Variants in EVI5 observed in about 807,000 individuals in gnomAD.
EVI5 encodes the protein ecotropic viral integration site 5.
A neutral mutation model predicts 112.0 loss-of-function variants in EVI5; 73 were observed. The observed-to-expected ratio is 0.65, with a 90% CI of 0.54 to 0.79. The LOEUF is 0.79. Ranked by LOEUF, EVI5 falls within the 30% of genes least tolerant of loss-of-function variation. EVI5 has a pLI of 0.00. For synonymous variants in EVI5, 305 were observed against 319.9 expected, an observed-to-expected ratio of 0.95 and a Z score of 0.50; for missense variants, 900 against 968.8, an observed-to-expected ratio of 0.93 and a Z score of 0.94.
At chr1:92,723,471 C>T (rs529829626) in intron 2 of EVI5, among the ~76,000 whole-genome samples, 1 of 152,240 alleles carries the variant, frequency 6.6e-6, no homozygotes, top group Admixed American at 6.5e-5. Context: ...GTCTTTACTG[C>T]AATCTCTGAA....
chr1:92,548,138 C>T (rs1202282623), intron 19 of EVI5, among the ~76,000 whole-genome samples: 3 of 152,152 alleles, frequency 2.0e-5, no homozygotes, highest in Admixed American at 6.5e-5. Flanking sequence ...ACATCACAAA[C>T]CTTATCCACC....
At chr1:92,555,399 A>C (rs889069839) in intron 19 of EVI5, among the ~76,000 whole-genome samples, 1 of 152,204 alleles carries the variant, frequency 6.6e-6, no homozygotes, top group Non-Finnish European at 1.5e-5. Flanking sequence ...CACTGTTTTT[A>C]ATTCTTATTT....
chr1:92,745,320 G>A (rs987725412), intron 1 of EVI5, among the ~76,000 whole-genome samples: 7 of 151,964 alleles, frequency 4.6e-5, no homozygotes, highest in Non-Finnish European at 1.5e-5. Context: ...GTGTTTGTGT[G>A]CTCTGTGTCA....
At chr1:92,686,903 C>T (rs764309704) in intron 9 of EVI5, among the ~76,000 whole-genome samples, 35 of 152,004 alleles carry the variant, frequency 2.3e-4, no homozygotes, top group Non-Finnish European at 4.3e-4. Flanking sequence ...CACAAACAAA[C>T]GGAAGAACAT....
chr1:92,591,044 T>C (rs1673772499), intron 18 of EVI5, among the ~76,000 whole-genome samples: 1 of 152,148 alleles, frequency 6.6e-6, no homozygotes, highest in Admixed American at 6.5e-5. Flanking sequence ...AATAAAATCC[T>C]TTACAGACAA....
intron 13 of EVI5, among the ~76,000 whole-genome samples, chr1:92,657,125 C>T (rs1230868740): frequency 6.6e-6 from 1 of 151,960 alleles, no homozygotes; most frequent in Non-Finnish European, 1.5e-5. Flanking sequence ...TGCAAAAATC[C>T]TCAACAAGAT....
At chr1:92,699,142 T>C (rs1338325392) in intron 5 of EVI5, among the ~76,000 whole-genome samples, 1 of 152,100 alleles carries the variant, frequency 6.6e-6, no homozygotes, top group Non-Finnish European at 1.5e-5. Flanking sequence ...GAGTCACTCT[T>C]GGCAAAACCT....
chr1:92,635,423 T>G (rs1557961392), intron 14 of EVI5, among the ~76,000 whole-genome samples: 1 of 152,160 alleles, frequency 6.6e-6, no homozygotes, highest in Non-Finnish European at 1.5e-5. Flanking sequence ...CAGTTTGATC[T>G]CAGACTGCTG....
In EVI5 at chr1:92,791,646, T is replaced by G. The variant is rs1176015404; in HGVS notation, c.51+698A>C. Among the ~76,000 whole-genome samples, 2 of 151,938 alleles carry G rather than the reference T, an allele frequency of 1.3e-5. 1 individual carries two copies. Among genetic ancestry groups the G allele is most frequent in the East Asian group, 3.9e-4 (2 of 5,182 alleles). On this transcript the variant is annotated intron_variant, in intron 1 of 17. Transcript: ENST00000370331. ...CAAATAAAAATAAGAGTCCCAATCATAGATGCGACGTGAGATGTGTTTTGA... is the reference window on the plus strand; with the variant it reads ...CAAATAAAAATAAGAGTCCCAATCAGAGATGCGACGTGAGATGTGTTTTGA...
In EVI5 at chr1:92,639,135, T is replaced by C. The variant is rs1176973582; in HGVS notation, c.1393-2799A>G. Among the ~76,000 whole-genome samples, 8 of 152,302 alleles carry C rather than the reference T, an allele frequency of 5.3e-5. No homozygotes were observed. The East Asian group carries it at 1.5e-3, about 29-fold the overall frequency. Reference sequence around the variant, plus strand: ...CTTACATCAAGTTAATTTATGTAAATGAATCTCATAATGTTTCTGTGATAC... The same window carrying C: ...CTTACATCAAGTTAATTTATGTAAACGAATCTCATAATGTTTCTGTGATAC... On this transcript the variant is annotated intron_variant, in intron 13 of 19. Transcript: ENST00000684568.
At chr1:92,753,998 T>C (rs902617480) in intron 1 of EVI5, among the ~76,000 whole-genome samples, 5 of 152,276 alleles carry the variant, frequency 3.3e-5, no homozygotes, top group Admixed American at 1.3e-4. Flanking sequence ...CTAGGAAAGA[T>C]TGTATCCTAA....
chr1:92,513,744 T>G lies in EVI5; in HGVS notation c.2393A>C (p.Asp798Ala). The G allele has an allele frequency of 6.2e-7, 1 of 1,613,728 alleles. No individual in the cohort carries two copies. Among genetic ancestry groups the G allele is most frequent in the Non-Finnish European group, 8.5e-7 (1 of 1,179,880 alleles). The change falls in exon 20 of 20, where the codon GAC becomes GCC. Residue 798 changes from aspartate to alanine, a missense_variant. Coordinates refer to ENST00000684568, the MANE Select transcript of EVI5 (RefSeq NM_001350197.2). ...GCTCTCTCTGGTCTCCAGCACACTG[T>G]CTTCTGTTTCGCTCTCACTACCATC... Reference protein sequence around the residue: ...VADGSESETEDSVLETRESNQ... With the variant: ...VADGSESETEASVLETRESNQ...
intron 19 of EVI5, among the ~76,000 whole-genome samples, chr1:92,519,107 A>G (rs1660439637): frequency 6.6e-6 from 1 of 152,178 alleles, no homozygotes; most frequent in Non-Finnish European, 1.5e-5. Context: ...AAACCTTTTT[A>G]TGATTTATCT....
chr1:92,631,248 T>C lies in EVI5; in HGVS notation c.1527+4954A>G, dbSNP rs527566338. 3.1e-3 allele frequency among the ~76,000 whole-genome samples: 477 copies of C among 152,306 alleles called. 4 individuals carry two copies. Among genetic ancestry groups the C allele is most frequent in the African/African-American group, 0.011 (463 of 41,554 alleles). On this transcript the variant is annotated intron_variant, in intron 14 of 19. Transcript: ENST00000684568. The stretch of plus-strand genomic sequence containing the variant: ...ATTGGTAGCTTGATGGGGATGGCAT[T>C]GAATCTATAAATTACCTTGGGCAGT...
rs755777065 is a variant in EVI5 at position 92,736,226 on chromosome 1, G to T, written c.149+172C>A. ...ATCTCTAAAGCTATTTGAGCCAGAAGAAAATGTTAGTCTCTTTTAAGACCA... is the reference window on the plus strand; with the variant it reads ...ATCTCTAAAGCTATTTGAGCCAGAATAAAATGTTAGTCTCTTTTAAGACCA... On this transcript the variant is annotated intron_variant, in intron 2 of 19. Coordinates refer to ENST00000684568, the MANE Select transcript of EVI5 (RefSeq NM_001350197.2). 1.3e-4 allele frequency among the ~76,000 whole-genome samples: 20 copies of T among 152,010 alleles called. 1 individual carries two copies. Among genetic ancestry groups the T allele is most frequent in the Non-Finnish European group, 2.6e-4 (18 of 67,988 alleles).
At chr1:92,756,656 A>G (rs868416404) in intron 1 of EVI5, 14 of 503,530 alleles carry the variant, frequency 2.8e-5, no homozygotes, top group South Asian at 2.0e-4. Context: ...CAGCCAGTTC[A>G]CTTTCAGCAA....
At chr1:92,750,790 A>G (rs1680057662) in intron 1 of EVI5, among the ~76,000 whole-genome samples, 1 of 152,104 alleles carries the variant, frequency 6.6e-6, no homozygotes, top group South Asian at 2.1e-4. Flanking sequence ...CCCATCATCC[A>G]TATCATCAAC....
intron 18 of EVI5, among the ~76,000 whole-genome samples, chr1:92,591,538 G>C (rs997041581): frequency 6.6e-6 from 1 of 152,106 alleles, no homozygotes; most frequent in Admixed American, 6.5e-5. Flanking sequence ...ATGGTAAAGG[G>C]ATCAATTCAA....
At chr1:92,643,900 C>A (rs1178944704) in intron 13 of EVI5, among the ~76,000 whole-genome samples, 1 of 131,022 alleles carries the variant, frequency 7.6e-6, no homozygotes, top group Non-Finnish European at 1.7e-5. Flanking sequence ...TCAGAGGGAG[C>A]TAGAGATATT....
Sources: allele counts gnomAD v4.1 joint callset (sites outside exome capture counted in the v4.1 genomes callset), GRCh38; gene constraint gnomAD v4.1.1; transcripts MANE v1.5; gene names NCBI Gene and HGNC (gene_info 2026-07-23, HGNC 2026-07-21).